BRWD1: variants seen among roughly 807,000 people sequenced by gnomAD.
BRWD1 encodes the protein bromodomain and WD repeat domain containing 1, also known as bromodomain and WD repeat-containing protein 1.
Under a neutral mutation model 251.2 loss-of-function variants are expected in BRWD1, and 82 were observed. That is an observed-to-expected ratio of 0.33 (90% confidence interval 0.27 to 0.39). The LOEUF (loss-of-function observed/expected upper bound fraction) is 0.39. Among genes scored for constraint, BRWD1 ranks in the 10% least tolerant of loss-of-function variants. The pLI, the probability that BRWD1 is intolerant of heterozygous loss-of-function variation, is 1.00. For synonymous variants in BRWD1, 918 were observed against 902.8 expected (o/e 1.02, Z -0.30); for missense variants, 2,233 against 2,711.6 (o/e 0.82, Z 3.92).
At chr21:39,198,136 G>A (rs984286146) in intron 40 of BRWD1, among the ~76,000 whole-genome samples, 1 of 152,078 alleles carries the variant, frequency 6.6e-6, no homozygotes, top group African/African-American at 2.4e-5. Flanking sequence ...CTTAGTTTTA[G>A]CTGTCTTCTG....
upstream of BRWD1, among the ~76,000 whole-genome samples, chr21:39,318,761 G>A (rs1009052281): frequency 1.3e-5 from 2 of 152,036 alleles, no homozygotes; most frequent in Admixed American, 1.3e-4. Context: ...TGAGACTACA[G>A]GTGTGCACCA....
chr21:39,274,629 T>C (rs549259360), intron 12 of BRWD1, among the ~76,000 whole-genome samples, 157 bp from the exon 13 acceptor site: 55 of 152,294 alleles, frequency 3.6e-4, no homozygotes, highest in African/African-American at 1.3e-3. Flanking sequence ...AGAGCGTATC[T>C]GGATGGGAAA....
intron 1 of BRWD1, among the ~76,000 whole-genome samples, chr21:39,320,803 G>A (rs2036739423): frequency 6.6e-6 from 1 of 151,444 alleles, no homozygotes; most frequent in Non-Finnish European, 1.5e-5. Context: ...CAGTAGCTGG[G>A]ACTACAGGTG....
At chr21:39,250,712 T>C (rs2034366657) in intron 20 of BRWD1, 84 bp downstream of exon 20, 2 of 859,484 alleles carry the variant, frequency 2.3e-6, no homozygotes, top group African/African-American at 3.5e-5. Context: ...CAGATGAAAG[T>C]TACTGATAGT....
chr21:39,208,938 A>G (rs1230674835), intron 36 of BRWD1, among the ~76,000 whole-genome samples: 1 of 152,004 alleles, frequency 6.6e-6, no homozygotes, highest in Non-Finnish European at 1.5e-5. Context: ...CAAAGAGTTA[A>G]AGAAGTCAAT....
intron 8 of BRWD1, among the ~76,000 whole-genome samples, chr21:39,286,016 C>CTTTTTTTTTTTTTTTTTTTTT (rs57151774): frequency 9.5e-6 from 1 of 104,806 alleles, no homozygotes; most frequent in African/African-American, 3.9e-5. Flanking sequence ...ACCATATGAA[C>CTTTTTTTTTTTTTTTTTTTTT]TTTTTTTTTT....
At position 39,186,330 on chromosome 21, in the gene BRWD1, A is replaced by C. The variant is rs2031232338; in HGVS notation, c.*9929T>G. The C allele has an allele frequency of 6.6e-6, 1 of 152,212 alleles. No individual in the cohort carries two copies. Among genetic ancestry groups the C allele is most frequent in the African/African-American group, 2.4e-5 (1 of 41,452 alleles). The allele number at this position is 152,212 out of a possible 1,614,324, so 9.4% of individuals were successfully genotyped here. ...ATATATTCCCTGAATTAGTCATATC[A>C]AGTGGTCATTCAGTATGAACTGCAA... On this transcript the variant is annotated 3_prime_UTR_variant, in exon 41 of 41. Coordinates refer to ENST00000342449, the MANE Select transcript of BRWD1 (RefSeq NM_033656.4).
chr21:39,245,692 C>T (rs1296081413), intron 21 of BRWD1, among the ~76,000 whole-genome samples: 2 of 151,684 alleles, frequency 1.3e-5, no homozygotes, highest in Admixed American at 6.6e-5. Flanking sequence ...ATCCACCTCC[C>T]GGGTTCAAGC....
chr21:39,313,822 G>A, upstream of BRWD1: 1 of 357,854 alleles, frequency 2.8e-6, no homozygotes, highest in South Asian at 2.7e-5. Flanking sequence ...AAAGACCTGG[G>A]CGCCGCAGCA....
At chr21:39,285,310 T>C (rs576804878) in intron 8 of BRWD1, among the ~76,000 whole-genome samples, 3 of 152,206 alleles carry the variant, frequency 2.0e-5, no homozygotes, top group African/African-American at 7.2e-5. Flanking sequence ...TGGTTACCTA[T>C]GGCTGGGGAG....
At chr21:39,207,446 AAGAAAACAC>A (rs1317583388) in intron 36 of BRWD1, among the ~76,000 whole-genome samples, 3 of 136,584 alleles carry the variant, frequency 2.2e-5, no homozygotes, top group Non-Finnish European at 4.7e-5. Flanking sequence ...AAAGAAAAAA[AAGAAAACAC>A]ACACACACAC....
At chr21:39,293,750 C>A in intron 8 of BRWD1, 61 bp downstream of exon 8, 1 of 1,323,950 alleles carries the variant, frequency 7.6e-7, no homozygotes. Flanking sequence ...TCCAAAGAAA[C>A]TGTTTTAAAG....
chr21:39,239,914 T>C (rs959343089), intron 21 of BRWD1, among the ~76,000 whole-genome samples: 3 of 151,976 alleles, frequency 2.0e-5, no homozygotes, highest in African/African-American at 4.8e-5. Flanking sequence ...AGGTGAAAAA[T>C]TATGTCCGCA....
At position 39,191,047 on chromosome 21, in the gene BRWD1, A is replaced by G. The variant is rs2031526314; in HGVS notation, c.*5212T>C. The stretch of plus-strand genomic sequence containing the variant: ...ATAAAAGCCTTATTTTGAAATATGA[A>G]TTCAGGGACTTTATACTTAACTGCT... On this transcript the variant is annotated 3_prime_UTR_variant, in exon 41 of 41. Coordinates refer to ENST00000342449, the MANE Select transcript of BRWD1 (RefSeq NM_033656.4). 1.0e-6 allele frequency: 1 copy of G among 985,218 alleles called. No individual in the cohort carries two copies. Among genetic ancestry groups the G allele is most frequent in the Non-Finnish European group, 1.2e-6 (1 of 829,756 alleles). 61.0% of individuals were successfully genotyped at this position (985,218 alleles called of 1,614,324 possible). A position where few individuals can be genotyped will look rare whatever the true frequency, so the allele number is the denominator to read the frequency against.
chr21:39,288,374 AG>A (rs2035706214), intron 8 of BRWD1, among the ~76,000 whole-genome samples: 1 of 152,274 alleles, frequency 6.6e-6, no homozygotes, highest in African/African-American at 2.4e-5. Context: ...AAGTGCCAGA[AG>A]GCAAGAATCA....
chr21:39,308,512 CAA>C (rs2036363196), intron 4 of BRWD1, among the ~76,000 whole-genome samples: 1 of 144,332 alleles, frequency 6.9e-6, no homozygotes, highest in African/African-American at 2.5e-5. Context: ...GCAAAAGTAC[CAA>C]AAATACTCTT....
At chr21:39,247,644 G>C in intron 21 of BRWD1, 57 bp downstream of exon 21, 1 of 1,520,344 alleles carries the variant, frequency 6.6e-7, no homozygotes. Context: ...TCAAAGTAAA[G>C]AATTAAGCCA....
At chr21:39,260,240 A>C (rs1040233758) in intron 17 of BRWD1, among the ~76,000 whole-genome samples, 5 of 151,384 alleles carry the variant, frequency 3.3e-5, no homozygotes, top group African/African-American at 1.2e-4. Context: ...ACCAAAGGGA[A>C]AACGGCAAAG....
At chr21:39,311,472 AAAGT>A (rs2036481866) in intron 4 of BRWD1, among the ~76,000 whole-genome samples, 4 of 152,352 alleles carry the variant, frequency 2.6e-5, no homozygotes, top group African/African-American at 4.8e-5. Flanking sequence ...ATGTATTTTA[AAAGT>A]AACTTTTCCA....
Sources: gnomAD v4.1 joint callset for allele counts (sites outside exome capture counted in the v4.1 genomes callset) on GRCh38, gnomAD v4.1.1 for gene constraint, MANE v1.5 for transcripts, NCBI Gene and HGNC (gene_info 2026-07-23, HGNC 2026-07-21) for gene names.